LRFN5: variants seen among roughly 807,000 people sequenced by gnomAD.
LRFN5 encodes the protein leucine rich repeat and fibronectin type III domain containing 5.
A neutral mutation model predicts 45.6 loss-of-function variants in LRFN5; 24 were observed. That is an observed-to-expected ratio of 0.53 (90% CI 0.38 to 0.74). The LOEUF is 0.74. Ranked by LOEUF, LRFN5 falls within the 30% of genes least tolerant of loss-of-function variation. The pLI is 0.00. For synonymous variants in LRFN5, 340 were observed against 313.8 expected (o/e 1.08, Z -0.88); for missense variants, 776 against 861.5 (o/e 0.90, Z 1.24).
intron 2 of LRFN5, among the ~76,000 whole-genome samples, chr14:41,830,670 A>T (rs1252418346): frequency 4.6e-5 from 7 of 152,186 alleles, no homozygotes; most frequent in Admixed American, 4.6e-4. Context: ...GTGCTGGCTC[A>T]GGTAGATAAA....
intron 2 of LRFN5, among the ~76,000 whole-genome samples, chr14:41,821,641 T>C (rs1306280139): frequency 6.6e-6 from 1 of 151,938 alleles, no homozygotes; most frequent in Non-Finnish European, 1.5e-5. Context: ...ATATGAGCTT[T>C]GTAGAATGGG....
chr14:41,786,888 AC>A (rs1333313496), intron 2 of LRFN5, among the ~76,000 whole-genome samples: 1 of 150,638 alleles, frequency 6.6e-6, no homozygotes, highest in East Asian at 2.0e-4. Context: ...CATTCTTTAA[AC>A]CTTTCTTCTA....
intron 1 of LRFN5, among the ~76,000 whole-genome samples, chr14:41,765,555 A>G: frequency 6.6e-6 from 1 of 152,210 alleles, no homozygotes; most frequent in East Asian, 1.9e-4. Flanking sequence ...TTTGTCATGC[A>G]TATATGAATG....
chr14:41,728,480 A>G (rs1884029048), intron 1 of LRFN5, among the ~76,000 whole-genome samples: 1 of 152,204 alleles, frequency 6.6e-6, no homozygotes, highest in Non-Finnish European at 1.5e-5. Flanking sequence ...TCTTTCAAGT[A>G]TGAAAAATAA....
chr14:41,681,744 A>G (rs1881893037), intron 1 of LRFN5, among the ~76,000 whole-genome samples: 1 of 151,864 alleles, frequency 6.6e-6, no homozygotes, highest in Admixed American at 6.6e-5. Context: ...ATAACACAGA[A>G]TATTATAACA....
chr14:41,747,163 T>A (rs1884954510), intron 1 of LRFN5, among the ~76,000 whole-genome samples: 1 of 151,984 alleles, frequency 6.6e-6, no homozygotes, highest in Non-Finnish European at 1.5e-5. Flanking sequence ...ATATTCTGAT[T>A]ACTTTGTTGA....
In LRFN5 at chr14:41,841,293, T is replaced by A. The variant is rs557084903; in HGVS notation, c.-20-45313T>A. 1.9e-3 allele frequency among the ~76,000 whole-genome samples: 292 copies of A among 152,062 alleles called. 2 individuals carry two copies. Among genetic ancestry groups the A allele is most frequent in the Non-Finnish European group, 3.5e-3 (236 of 67,816 alleles). ...GAACATGAAAAAGAAATTTCTAGAA[T>A]TATACTTCATGTAAGAGAAAAGTAA... On this transcript the variant is annotated intron_variant, in intron 2 of 5. Transcript: ENST00000298119.
chr14:41,807,986 T>C (rs1481109401), intron 2 of LRFN5, among the ~76,000 whole-genome samples: 1 of 151,610 alleles, frequency 6.6e-6, no homozygotes, highest in East Asian at 2.0e-4. Flanking sequence ...AGATGAGCTA[T>C]TTGGTGATTT....
intron 1 of LRFN5, among the ~76,000 whole-genome samples, chr14:41,674,162 C>T (rs1334950784): frequency 3.1e-5 from 4 of 129,562 alleles, no homozygotes; most frequent in Non-Finnish European, 5.0e-5. Context: ...GGCAGAGGCG[C>T]CCCTCACCTC....
intron 1 of LRFN5, among the ~76,000 whole-genome samples, chr14:41,685,548 G>A (rs1882081865): frequency 6.6e-6 from 1 of 152,142 alleles, no homozygotes; most frequent in Non-Finnish European, 1.5e-5. Context: ...CCATGCTTAT[G>A]TCCTGAATGG....
At position 41,766,294 on chromosome 14, in the gene LRFN5, A is replaced by G. The variant is rs537744835; in HGVS notation, c.-196-560A>G. On this transcript the variant is annotated intron_variant, in intron 1 of 5. Transcript: ENST00000298119. The stretch of plus-strand genomic sequence containing the variant: ...ATGAAAACCTCAAAAAGAGGTTGAA[A>G]TCAGTAATCTTCTGACATAAAGTTA... Among the ~76,000 whole-genome samples the G allele has an allele frequency of 2.0e-5, 3 of 152,310 alleles. No individual in the cohort carries two copies. In the East Asian group the frequency reaches 5.8e-4, roughly 29 times the overall value.
chr14:41,671,827 A>G (rs1310711078), intron 1 of LRFN5, among the ~76,000 whole-genome samples: 1 of 152,008 alleles, frequency 6.6e-6, no homozygotes, highest in African/African-American at 2.4e-5. Flanking sequence ...CATGTTGGCC[A>G]GGCTGGCCTT....
chr14:41,630,299 CT>C (rs1356977414), intron 1 of LRFN5, among the ~76,000 whole-genome samples: 1 of 152,046 alleles, frequency 6.6e-6, no homozygotes, highest in Non-Finnish European at 1.5e-5. Flanking sequence ...AGGGCAAAGA[CT>C]TTTTTTCAGT....
intron 1 of LRFN5, among the ~76,000 whole-genome samples, chr14:41,689,252 G>A (rs1368695286): frequency 2.0e-5 from 3 of 152,058 alleles, no homozygotes; most frequent in Admixed American, 2.0e-4. Context: ...CATACGGAAA[G>A]CAAAGTATAA....
At chr14:41,858,325 A>C (rs4904888) in intron 2 of LRFN5, among the ~76,000 whole-genome samples, 126,445 of 152,026 alleles carry the variant, frequency 0.83, 52,896 homozygotes, top group East Asian at 0.99. Context: ...CAGAACAAGT[A>C]CCCCTTTCTC....
rs150452706 is a variant in LRFN5, at chr14:41,861,415, T to A, written c.-20-25191T>A. Among the ~76,000 whole-genome samples, 355 of 152,344 alleles carry A rather than the reference T, an allele frequency of 2.3e-3. 10 individuals are homozygous for A. The East Asian group carries it at 0.057, about 24-fold the overall frequency. ...TATTATATCATATTGACTGATGAAT[T>A]CCTATGTTATTCAACAGGTTAATAC... On this transcript the variant is annotated intron_variant, in intron 2 of 5. Coordinates refer to ENST00000298119, the MANE Select transcript of LRFN5 (RefSeq NM_152447.5).
At chr14:41,666,853 A>C (rs765575284) in intron 1 of LRFN5, among the ~76,000 whole-genome samples, 1 of 152,152 alleles carries the variant, frequency 6.6e-6, no homozygotes, top group Non-Finnish European at 1.5e-5. Context: ...CAACAGTGAT[A>C]GTTAACCTAA....
At chr14:41,843,329 A>G (rs1447659866) in intron 2 of LRFN5, among the ~76,000 whole-genome samples, 1 of 151,964 alleles carries the variant, frequency 6.6e-6, no homozygotes, top group Non-Finnish European at 1.5e-5. Context: ...CCTGGCCTCA[A>G]GTGATCCTCT....
intron 2 of LRFN5, among the ~76,000 whole-genome samples, chr14:41,846,903 A>G (rs1889088509): frequency 6.6e-6 from 1 of 152,002 alleles, no homozygotes; most frequent in South Asian, 2.1e-4. Context: ...CCCTTCCTTC[A>G]ACTTCAAAGC....
Sources: gnomAD v4.1 joint callset for allele counts (sites outside exome capture counted in the v4.1 genomes callset) on GRCh38, gnomAD v4.1.1 for gene constraint, MANE v1.5 for transcripts, NCBI Gene and HGNC (gene_info 2026-07-23, HGNC 2026-07-21) for gene names.